The following NR3C2 variants were observed in gnomAD, a reference collection of about 807,000 sequenced individuals.
NR3C2 encodes nuclear receptor subfamily 3 group C member 2, also known as mineralocorticoid receptor.
A neutral mutation model predicts 86.4 loss-of-function variants in NR3C2; 15 were observed. That is an observed-to-expected ratio of 0.17 (90% CI 0.12 to 0.27). The LOEUF is 0.27. NR3C2 is among the 10% of genes least tolerant of loss of function. NR3C2 has a pLI of 1.00. For missense variants in NR3C2, 960 were observed against 1,195.6 expected (o/e 0.80, Z 2.91); for synonymous variants, 458 against 450.5 (o/e 1.02, Z -0.21).
chr4:148,268,892 A>G (rs1740528054), intron 2 of NR3C2, among the ~76,000 whole-genome samples: 1 of 149,722 alleles, frequency 6.7e-6, no homozygotes, highest in Non-Finnish European at 1.5e-5. Flanking sequence ...GTGACTGATT[A>G]CAACTTTTAA....
intron 2 of NR3C2, among the ~76,000 whole-genome samples, chr4:148,298,412 T>C (rs1309109945): frequency 6.6e-6 from 1 of 152,174 alleles, no homozygotes; most frequent in Non-Finnish European, 1.5e-5. Context: ...ACTGGGGTGA[T>C]GGAAATGTGT....
chr4:148,184,544 C>T (rs1462574483), intron 4 of NR3C2, among the ~76,000 whole-genome samples: 2 of 151,752 alleles, frequency 1.3e-5, no homozygotes, highest in Non-Finnish European at 2.9e-5. Context: ...TAAGACTATA[C>T]ATTTCATATA....
In NR3C2 at chr4:148,083,194, A is replaced by C. The variant is rs538135171; in HGVS notation, c.2800-1695T>G. ...CCTGCCTGCCGGCTCTGAAGAGAGC[A>C]GTGGTTCTCCCAACACAGCACTAGA... On this transcript the variant is annotated intron_variant, in intron 8 of 8. Coordinates refer to ENST00000358102, the MANE Select transcript of NR3C2 (RefSeq NM_000901.5). Among the ~76,000 whole-genome samples, 21 of 152,328 alleles carry C rather than the reference A, an allele frequency of 1.4e-4. No homozygotes were observed. In the South Asian group the frequency reaches 2.1e-3, roughly 15 times the overall value.
intron 2 of NR3C2, among the ~76,000 whole-genome samples, chr4:148,354,520 A>T (rs190565154): frequency 5.9e-5 from 9 of 152,278 alleles, no homozygotes; most frequent in African/African-American, 2.2e-4. Flanking sequence ...CCCAATGAAG[A>T]TAAATAATTG....
intron 2 of NR3C2, among the ~76,000 whole-genome samples, chr4:148,339,020 T>C (rs1166694726): frequency 2.0e-5 from 3 of 152,112 alleles, no homozygotes; most frequent in Non-Finnish European, 4.4e-5. Flanking sequence ...GAAAAAGCCA[T>C]GAGAAAATAT....
chr4:148,140,583 A>C lies in NR3C2; in HGVS notation c.2510+11886T>G, dbSNP rs150682485. 1.2e-4 allele frequency among the ~76,000 whole-genome samples: 18 copies of C among 152,310 alleles called. No homozygotes were observed. In the East Asian group the frequency reaches 3.3e-3, roughly 28 times the overall value. On this transcript the variant is annotated intron_variant, in intron 6 of 8. Coordinates refer to ENST00000358102, the MANE Select transcript of NR3C2 (RefSeq NM_000901.5). ...TCCAGGGACTTTATTTTATATAGAA[A>C]AGAAGAGTATTTTTAGCTGAAGAGA... is the stretch of plus-strand genomic sequence containing the variant.
intron 2 of NR3C2, among the ~76,000 whole-genome samples, chr4:148,363,958 C>A (rs1160000257): frequency 6.6e-6 from 1 of 152,094 alleles, no homozygotes; most frequent in Non-Finnish European, 1.5e-5. Context: ...AAAATTAATA[C>A]CTAATTTTAC....
At chr4:148,189,927 CTTCTT>C (rs1274462113) in intron 4 of NR3C2, among the ~76,000 whole-genome samples, 8 of 152,244 alleles carry the variant, frequency 5.3e-5, no homozygotes, top group African/African-American at 1.2e-4. Flanking sequence ...GATTTTCTCT[CTTCTT>C]TTCTTGGTTA....
intron 6 of NR3C2, among the ~76,000 whole-genome samples, chr4:148,133,148 G>T (rs1405982669): frequency 6.6e-6 from 1 of 151,238 alleles, no homozygotes; most frequent in African/African-American, 2.4e-5. Context: ...AGCCATGATA[G>T]GGCCACTGCA....
chr4:148,435,110 A>C lies in NR3C2; in HGVS notation c.1751T>G (p.Val584Gly), dbSNP rs1192289781. Residue 584 changes from valine to glycine, a missense_variant, in exon 2 of 9, where the codon GTA becomes GGA. This residue lies in a region of NR3C2 where 680 missense variants were observed against 719.0 expected (regional missense o/e 0.95). Transcript: ENST00000358102. ...ATGGAGAAAACCAACTTACCTTGATACATTTTCTGGAATGTATTCTAAGAC... is the reference window on the plus strand; with the variant it reads ...ATGGAGAAAACCAACTTACCTTGATCCATTTTCTGGAATGTATTCTAAGAC... Reference protein sequence around the residue: ...YPVLEYIPENVSSSTLRSVST... With the variant: ...YPVLEYIPENGSSSTLRSVST... 3.7e-6 allele frequency: 6 copies of C among 1,614,080 alleles called. No homozygotes were observed. The highest frequency in any genetic ancestry group is 3.3e-5 in the Admixed American group (2 of 60,010).
intron 2 of NR3C2, among the ~76,000 whole-genome samples, chr4:148,387,071 C>A (rs1579237129): frequency 6.6e-6 from 1 of 152,216 alleles, no homozygotes; most frequent in South Asian, 2.1e-4. Flanking sequence ...GGCAAAGAAA[C>A]CTACTTCTGG....
chr4:148,354,234 C>T (rs547208007), intron 2 of NR3C2, among the ~76,000 whole-genome samples: 49 of 152,110 alleles, frequency 3.2e-4, no homozygotes, highest in Middle Eastern at 6.8e-3. Context: ...TTTCCTCTTC[C>T]TTATGATTTT....
intron 6 of NR3C2, among the ~76,000 whole-genome samples, chr4:148,124,446 C>T (rs1732655005): frequency 6.6e-6 from 1 of 152,064 alleles, no homozygotes; most frequent in African/African-American, 2.4e-5. Context: ...GGGAAATTTC[C>T]TGTTAGTCTA....
intron 8 of NR3C2, among the ~76,000 whole-genome samples, chr4:148,083,971 GA>G (rs552977602): frequency 6.6e-6 from 1 of 151,760 alleles, no homozygotes; most frequent in Admixed American, 6.6e-5. Context: ...GAAGATGAGA[GA>G]AAAAAGAGTG....
chr4:148,288,434 C>T (rs1344263884), intron 2 of NR3C2, among the ~76,000 whole-genome samples: 1 of 152,186 alleles, frequency 6.6e-6, no homozygotes, highest in Non-Finnish European at 1.5e-5. Flanking sequence ...CCACATAATG[C>T]CTCTACTCTC....
At chr4:148,267,454 T>C (rs566439494) in intron 2 of NR3C2, among the ~76,000 whole-genome samples, 109 of 152,222 alleles carry the variant, frequency 7.2e-4, no homozygotes, top group Admixed American at 3.7e-3. Context: ...GCCATAATAG[T>C]GGACCTATAG....
chr4:148,128,144 G>A (rs1275550012), intron 6 of NR3C2, among the ~76,000 whole-genome samples: 1 of 152,170 alleles, frequency 6.6e-6, no homozygotes, highest in Non-Finnish European at 1.5e-5. Context: ...GGTGCTGGCT[G>A]CCTGCTTTTA....
intron 7 of NR3C2, among the ~76,000 whole-genome samples, chr4:148,118,186 T>G (rs992549427): frequency 6.6e-6 from 1 of 152,206 alleles, no homozygotes; most frequent in Admixed American, 6.5e-5. Context: ...TGTTGTCTCC[T>G]CTGGCACTTT....
intron 2 of NR3C2, among the ~76,000 whole-genome samples, chr4:148,424,954 T>A (rs1437403002): frequency 1.3e-5 from 2 of 152,142 alleles, no homozygotes; most frequent in African/African-American, 4.8e-5. Context: ...GTGTAAGTCA[T>A]CAATTATCTT....
Sources: gnomAD v4.1 joint callset for allele counts (sites outside exome capture counted in the v4.1 genomes callset) on GRCh38, gnomAD v4.1.1 for gene constraint, gnomAD v4.1.1 regional missense constraint, MANE v1.5 for transcripts, NCBI Gene and HGNC (gene_info 2026-07-23, HGNC 2026-07-21) for gene names.